The following MAGI2 variants were observed in gnomAD, a reference collection of about 807,000 sequenced individuals.
The protein encoded by MAGI2 is membrane associated guanylate kinase, WW and PDZ domain containing 2.
Under a neutral mutation model 133.3 loss-of-function variants are expected in MAGI2, and 35 were observed. The ratio of observed to expected loss-of-function variants is 0.26; its 90% CI spans 0.20 to 0.35. The LOEUF is 0.35. MAGI2 is among the 10% of genes least tolerant of loss of function. The probability of loss-of-function intolerance (pLI) is 1.00; values close to 1 mark genes in which losing one functional copy is unlikely to be tolerated. For missense variants in MAGI2, 1,636 were observed against 1,863.4 expected, an observed-to-expected ratio of 0.88 and a Z score of 2.25; for synonymous variants, 729 against 710.6, an observed-to-expected ratio of 1.03 and a Z score of -0.41.
intron 20 of MAGI2, among the ~76,000 whole-genome samples, chr7:78,120,352 G>A (rs1820311705): frequency 6.6e-6 from 1 of 152,114 alleles, no homozygotes; most frequent in African/African-American, 2.4e-5. Flanking sequence ...GCAGTGAGCC[G>A]AGATTGTGCC....
intron 6 of MAGI2, among the ~76,000 whole-genome samples, chr7:78,391,644 T>C (rs1795906823): frequency 6.6e-6 from 1 of 152,194 alleles, no homozygotes; most frequent in South Asian, 2.1e-4. Flanking sequence ...ATGACAGAAA[T>C]ATCAGATTCT....
chr7:78,598,108 C>T (rs1183228847), intron 3 of MAGI2, among the ~76,000 whole-genome samples: 2 of 152,118 alleles, frequency 1.3e-5, no homozygotes, highest in African/African-American at 2.4e-5. Context: ...TCTGCTTATG[C>T]ATTAATTTAA....
At chr7:78,390,791 T>C (rs1360849295) in intron 6 of MAGI2, among the ~76,000 whole-genome samples, 1 of 152,200 alleles carries the variant, frequency 6.6e-6, no homozygotes, top group African/African-American at 2.4e-5. Flanking sequence ...TTTAGCACCA[T>C]AGGAGTACTA....
intron 1 of MAGI2, among the ~76,000 whole-genome samples, chr7:79,123,555 G>T (rs917199368): frequency 2.0e-5 from 3 of 152,042 alleles, no homozygotes; most frequent in Non-Finnish European, 4.4e-5. Flanking sequence ...GGAGGCTGAG[G>T]CAGGTGGATC....
chr7:78,911,993 A>C (rs1245945269), intron 2 of MAGI2, among the ~76,000 whole-genome samples: 1 of 152,178 alleles, frequency 6.6e-6, no homozygotes, highest in East Asian at 1.9e-4. Context: ...GGAGGATATT[A>C]TCCTTAGCAA....
chr7:78,977,542 A>G (rs1450985986), intron 2 of MAGI2, among the ~76,000 whole-genome samples: 1 of 151,312 alleles, frequency 6.6e-6, no homozygotes, highest in East Asian at 1.9e-4. Flanking sequence ...AAGACCTTAC[A>G]ATTTACACAA....
chr7:79,068,669 A>C (rs980747671), intron 1 of MAGI2, among the ~76,000 whole-genome samples: 3 of 151,898 alleles, frequency 2.0e-5, no homozygotes, highest in African/African-American at 7.3e-5. Flanking sequence ...CAGTTCTTTT[A>C]ATTGTGATGG....
At chr7:78,116,071 A>G (rs185788071) in intron 20 of MAGI2, among the ~76,000 whole-genome samples, 2 of 152,370 alleles carry the variant, frequency 1.3e-5, no homozygotes, top group Admixed American at 6.5e-5. Flanking sequence ...TGTTAGGCCA[A>G]GTTTGTAGCA....
At chr7:79,333,235 C>A (rs945086001) in intron 1 of MAGI2, among the ~76,000 whole-genome samples, 3 of 151,926 alleles carry the variant, frequency 2.0e-5, no homozygotes, top group Non-Finnish European at 4.4e-5. Context: ...TCAAGCATTT[C>A]TCCTCCCTCA....
rs145570673 is a variant in MAGI2 at position 78,280,271 on chromosome 7, C to A, written c.1409-23690G>T. Reference sequence around the variant, plus strand: ...ACTGAGGCTCATCACCCCACAAATACCTCCTTCACAAAGAAAGACAAATTG... The same window carrying A: ...ACTGAGGCTCATCACCCCACAAATAACTCCTTCACAAAGAAAGACAAATTG... On this transcript the variant is annotated intron_variant, in intron 9 of 21. Transcript: ENST00000354212. 3.9e-3 allele frequency among the ~76,000 whole-genome samples: 588 copies of A among 152,094 alleles called. 5 individuals are homozygous for A. Among genetic ancestry groups the A allele is most frequent in the African/African-American group, 0.014 (575 of 41,444 alleles).
intron 1 of MAGI2, among the ~76,000 whole-genome samples, chr7:79,451,397 AC>A (rs1479161882): frequency 6.6e-6 from 1 of 152,194 alleles, no homozygotes; most frequent in African/African-American, 2.4e-5. Flanking sequence ...TTGACATCGA[AC>A]ATGTTAACAT....
intron 1 of MAGI2, among the ~76,000 whole-genome samples, chr7:79,409,185 G>A (rs2129169864): frequency 6.6e-6 from 1 of 152,216 alleles, no homozygotes; most frequent in East Asian, 1.9e-4. Context: ...CTGCAAAGCA[G>A]CACAACTAGG....
At chr7:79,254,050 T>C (rs1833514554) in intron 1 of MAGI2, among the ~76,000 whole-genome samples, 1 of 152,202 alleles carries the variant, frequency 6.6e-6, no homozygotes, top group Non-Finnish European at 1.5e-5. Context: ...AACATACTTT[T>C]ATCCTCTGGG....
intron 2 of MAGI2, among the ~76,000 whole-genome samples, chr7:78,701,410 G>C (rs1284665906): frequency 6.6e-6 from 1 of 151,682 alleles, no homozygotes; most frequent in Non-Finnish European, 1.5e-5. Flanking sequence ...GATCATATTT[G>C]TAATAAAATG....
intron 1 of MAGI2, among the ~76,000 whole-genome samples, chr7:79,198,686 A>G (rs1422551936): frequency 1.3e-5 from 2 of 151,986 alleles, no homozygotes; most frequent in Non-Finnish European, 2.9e-5. Flanking sequence ...TAGGGGTTTG[A>G]GACCAGCCTG....
chr7:79,039,511 A>C (rs1180063806), intron 1 of MAGI2, among the ~76,000 whole-genome samples: 1 of 152,074 alleles, frequency 6.6e-6, no homozygotes, highest in Non-Finnish European at 1.5e-5. Context: ...GACAAATGGA[A>C]TTACATCAAG....
At chr7:78,799,238 A>G (rs915151169) in intron 2 of MAGI2, among the ~76,000 whole-genome samples, 7 of 152,138 alleles carry the variant, frequency 4.6e-5, no homozygotes, top group Admixed American at 2.0e-4. Context: ...ATAGCATACA[A>G]GGGGCTGTAT....
intron 3 of MAGI2, chr7:78,615,828 AC>A (rs1246765457): frequency 6.6e-6 from 1 of 152,208 alleles, no homozygotes; most frequent in Non-Finnish European, 1.5e-5. Flanking sequence ...TAGTATTCAT[AC>A]TTAAAATACA....
intron 1 of MAGI2, among the ~76,000 whole-genome samples, chr7:79,448,536 C>T (rs2129205030): frequency 6.6e-6 from 1 of 152,130 alleles, no homozygotes; most frequent in East Asian, 1.9e-4. Context: ...CTTAAGGTGC[C>T]ATTACTACCC....
Sources: allele counts gnomAD v4.1 joint callset (sites outside exome capture counted in the v4.1 genomes callset), GRCh38; gene constraint gnomAD v4.1.1; transcripts MANE v1.5; gene names NCBI Gene and HGNC (gene_info 2026-07-23, HGNC 2026-07-21).